UACA: variants seen among roughly 807,000 people sequenced by gnomAD.
UACA encodes the protein nuclear membrane binding protein.
In UACA, 112 loss-of-function variants were observed where a neutral mutation model predicts 160.5. The observed-to-expected ratio is 0.70, with a 90% CI of 0.60 to 0.82. UACA has a LOEUF of 0.82. Among genes scored for constraint, UACA ranks in the 40% least tolerant of loss-of-function variants. The pLI, the probability that UACA is intolerant of heterozygous loss-of-function variation, is 0.00. For missense variants in UACA, 1,574 were observed against 1,614.6 expected, an observed-to-expected ratio of 0.97 and a Z score of 0.43; for synonymous variants, 557 against 568.4, an observed-to-expected ratio of 0.98 and a Z score of 0.29.
intron 5 of UACA, among the ~76,000 whole-genome samples, chr15:70,688,414 C>G (rs1897807277): frequency 6.6e-6 from 1 of 151,910 alleles, no homozygotes; most frequent in South Asian, 2.1e-4. Context: ...TTACAATCCC[C>G]ATGAATTTTT....
chr15:70,666,746 T>A lies in UACA; in HGVS notation c.3938A>T (p.Gln1313Leu). ...TACCTTATTATCTTTTGCTTCTATT[T>A]GTTTAGCAGATTCTTGTATTCTTCT... ...LQRRIQESAK[Q>L]IEAKDNKITE... Residue 1313 changes from glutamine (Q) to leucine (L), a missense_variant, in exon 16 of 19, where the codon CAA becomes CTA. Physicochemically the swap from Gln to Leu is moderately radical, Grantham distance 113. Transcript: ENST00000322954. 6.2e-7 allele frequency: 1 copy of A among 1,606,622 alleles called. No individual in the cohort carries two copies. The highest frequency in any genetic ancestry group is 8.5e-7 in the Non-Finnish European group (1 of 1,178,070).
In UACA at chr15:70,656,903, T is replaced by G. The variant is rs1000221049; in HGVS notation, c.*153A>C. The G allele has an allele frequency of 4.0e-6, 2 of 499,794 alleles. No individual in the cohort carries two copies. Among genetic ancestry groups the G allele is most frequent in the Non-Finnish European group, 7.1e-6 (2 of 282,022 alleles). The allele number at this position is 499,794 out of a possible 1,614,324, so 31.0% of individuals were successfully genotyped here. On this transcript the variant is annotated 3_prime_UTR_variant, in exon 19 of 19. Transcript: ENST00000322954. ...ACTGATATTGAAAAAGACTAACATA[T>G]TCATCTAATTTTAAAAAAAAACCTA...
chr15:70,725,826 C>G (rs577040917), intron 1 of UACA, among the ~76,000 whole-genome samples: 2 of 152,250 alleles, frequency 1.3e-5, no homozygotes, highest in Admixed American at 6.5e-5. Flanking sequence ...GAAGGCGACA[C>G]CAAGTCATCA....
chr15:70,769,967 A>G, the UACA span, among the ~76,000 whole-genome samples: 1 of 152,244 alleles, frequency 6.6e-6, no homozygotes, highest in African/African-American at 2.4e-5. Flanking sequence ...ATTGCACTCT[A>G]GCCTGGGCAA....
chr15:70,743,722 T>C (rs914551806), intron 1 of UACA, among the ~76,000 whole-genome samples: 2 of 152,134 alleles, frequency 1.3e-5, no homozygotes, highest in East Asian at 3.9e-4. Flanking sequence ...CAATTTCTAG[T>C]CCCAGTAAGA....
In UACA at chr15:70,679,690, T is replaced by TAAGAAAACA. The variant is rs750527938; in HGVS notation, c.823-23_823-15dup. The TAAGAAAACA allele has an allele frequency of 2.3e-5, 36 of 1,561,762 alleles. No homozygotes were observed. Among genetic ancestry groups the TAAGAAAACA allele is most frequent in the African/African-American group, 5.5e-5 (4 of 72,538 alleles). On this transcript the variant is annotated splice_polypyrimidine_tract_variant and intron_variant, in intron 9 of 18. Transcript: ENST00000322954. ...TGTCAAATTTCGCTTTGGTAAAACA[T>TAAGAAAACA]AAGAAAACACGGGTCAGCAAGTGTA...
Position 70,669,325 on chromosome 15 carries a change from A to G in UACA, c.1359T>C (p.Cys453=). The G allele has an allele frequency of 6.2e-7, 1 of 1,614,120 alleles. No homozygotes were observed. The highest frequency in any genetic ancestry group is 8.5e-7 in the Non-Finnish European group (1 of 1,179,990). Residue 453 remains cysteine, a synonymous_variant, in exon 16 of 19, where the codon TGT becomes TGC. Transcript: ENST00000322954. ...KKELEAMRTF[C]ESAKQDRLKL... ...TCAGTCGGTCTTGTTTTGCTGACTC[A>G]CAGAAAGTTCGCATTGCTTCTAACT...
intron 1 of UACA, among the ~76,000 whole-genome samples, chr15:70,740,178 A>G (rs897561125): frequency 1.6e-4 from 4 of 25,124 alleles, no homozygotes; most frequent in African/African-American, 2.2e-4. Context: ...TAAATACATA[A>G]GAAATACTGT....
At chr15:70,740,909 G>A (rs1378452846) in intron 1 of UACA, among the ~76,000 whole-genome samples, 2 of 150,664 alleles carry the variant, frequency 1.3e-5, no homozygotes, top group African/African-American at 2.4e-5. Context: ...CGTCGTGGTG[G>A]GCGCCTGTAG....
At chr15:70,710,727 C>T (rs1470600075) in intron 1 of UACA, among the ~76,000 whole-genome samples, 1 of 152,206 alleles carries the variant, frequency 6.6e-6, no homozygotes, top group East Asian at 1.9e-4. Context: ...ACCAAGCTTG[C>T]AGATCGAAGC....
chr15:70,710,177 C>T lies in UACA; in HGVS notation c.79-10517G>A, dbSNP rs1898640200. On this transcript the variant is annotated intron_variant, in intron 1 of 18. Transcript: ENST00000322954. ...GGCTGAGGTGGGAGAATCACCTAGTCCTGGGAAGTCGGGGCTGCAGTGAGC... is the reference window on the plus strand; with the variant it reads ...GGCTGAGGTGGGAGAATCACCTAGTTCTGGGAAGTCGGGGCTGCAGTGAGC... Among the ~76,000 whole-genome samples the T allele has an allele frequency of 2.0e-5, 3 of 152,210 alleles. No individual in the cohort carries two copies. In the South Asian group the frequency reaches 6.2e-4, roughly 32 times the overall value.
intron 1 of UACA, among the ~76,000 whole-genome samples, chr15:70,752,509 T>C (rs1464593782): frequency 6.6e-6 from 1 of 152,106 alleles, no homozygotes; most frequent in Non-Finnish European, 1.5e-5. Flanking sequence ...GTATTATATG[T>C]GTTCTTGTTC....
In UACA at chr15:70,668,459, T is replaced by G. The variant is rs772008800; in HGVS notation, c.2225A>C (p.Asn742Thr). ...QAHNLTIEMK[N>T]HYVPLKVSED... ...ACTTACTTTTAAAGGAACATAATGA[T>G]TTTTCATTTCAATTGTTAAGTTATG... The change falls in exon 16 of 19, where the codon AAT becomes ACT. Residue 742 changes from asparagine to threonine, a missense_variant. Asn to Thr is a moderately conservative substitution (Grantham distance 65). Coordinates refer to ENST00000322954, the MANE Select transcript of UACA (RefSeq NM_018003.4). The G allele has an allele frequency of 1.2e-6, 2 of 1,612,332 alleles. No individual in the cohort carries two copies. The highest frequency in any genetic ancestry group is 4.5e-5 in the East Asian group (2 of 44,842).
In UACA at chr15:70,754,587, T is replaced by C. The variant is rs1033207827; in HGVS notation, c.78+8743A>G. On this transcript the variant is annotated intron_variant, in intron 1 of 18. Transcript: ENST00000322954. Reference sequence around the variant, plus strand: ...TAACCCCATAATAAGTCAAGGAGCATCTGTATAAAAATACAACTCATCGAT... The same window carrying C: ...TAACCCCATAATAAGTCAAGGAGCACCTGTATAAAAATACAACTCATCGAT... Among the ~76,000 whole-genome samples the C allele has an allele frequency of 2.6e-5, 4 of 152,210 alleles. No homozygotes were observed. The South Asian group carries it at 8.3e-4, about 32-fold the overall frequency.
At chr15:70,755,688 A>AT (rs1335123382) in intron 1 of UACA, among the ~76,000 whole-genome samples, 1 of 149,810 alleles carries the variant, frequency 6.7e-6, no homozygotes, top group Non-Finnish European at 1.5e-5. Context: ...AAAAAAAAAA[A>AT]GAATGAATGA....
the UACA span, among the ~76,000 whole-genome samples, chr15:70,777,000 G>A: frequency 6.6e-6 from 1 of 152,146 alleles, no homozygotes; most frequent in African/African-American, 2.4e-5. Context: ...TAAGGGCTCA[G>A]GCCTTTTATT....
intron 1 of UACA, chr15:70,701,897 A>C: frequency 6.2e-7 from 1 of 1,613,514 alleles, no homozygotes; most frequent in Non-Finnish European, 8.5e-7. Flanking sequence ...GGAGTACAAG[A>C]AAACCAACAG....
rs1349586868 is a variant in UACA at position 70,654,955 on chromosome 15, A to C, written c.*2101T>G. ...GAATGAGACAAGATTAGTTGAAGGA[A>C]GTACTTGATATTTTACTCCAGATAG... On this transcript the variant is annotated 3_prime_UTR_variant, in exon 19 of 19. Coordinates refer to ENST00000322954, the MANE Select transcript of UACA (RefSeq NM_018003.4). 1 of 152,248 alleles carries C rather than the reference A, an allele frequency of 6.6e-6. No individual in the cohort carries two copies. Among genetic ancestry groups the C allele is most frequent in the Non-Finnish European group, 1.5e-5 (1 of 68,038 alleles). The allele number at this position is 152,248 out of a possible 1,614,324, so 9.4% of individuals were successfully genotyped here.
chr15:70,700,305 A>ATATATATATATATATATATATG (rs1898303478), intron 1 of UACA, among the ~76,000 whole-genome samples: 3 of 141,134 alleles, frequency 2.1e-5, no homozygotes, highest in South Asian at 2.2e-4. Context: ...CAAATTGTAT[A>ATATATATATATATATATATATG]TATATATATA....
Sources: allele counts gnomAD v4.1 joint callset (sites outside exome capture counted in the v4.1 genomes callset), GRCh38; gene constraint gnomAD v4.1.1; transcripts MANE v1.5; gene names NCBI Gene and HGNC (gene_info 2026-07-23, HGNC 2026-07-21).